Variants in ABCC3 observed in about 807,000 individuals in gnomAD.
The protein encoded by ABCC3 is ATP binding cassette subfamily C member 3.
A neutral mutation model predicts 165.3 loss-of-function variants in ABCC3; 121 were observed. The observed-to-expected ratio is 0.73, with a 90% CI of 0.63 to 0.85. The LOEUF (loss-of-function observed/expected upper bound fraction) is 0.85, where lower values mean the gene tolerates loss of function less well. Among genes scored for constraint, ABCC3 ranks in the 40% least tolerant of loss-of-function variants. ABCC3 has a pLI of 0.00. For synonymous variants in ABCC3, 733 were observed against 810.1 expected (o/e 0.90, Z 1.62); for missense variants, 1,869 against 1,964.1 (o/e 0.95, Z 0.92).
At chr17:50,681,343 C>T (rs1216352753) in intron 26 of ABCC3, among the ~76,000 whole-genome samples, 1 of 152,150 alleles carries the variant, frequency 6.6e-6, no homozygotes, top group Non-Finnish European at 1.5e-5. Context: ...CCTGTGTCTC[C>T]TTCACCGTTG....
chr17:50,669,817 A>G (rs1046538421), intron 17 of ABCC3, among the ~76,000 whole-genome samples: 6 of 151,634 alleles, frequency 4.0e-5, no homozygotes, highest in Non-Finnish European at 5.9e-5. Context: ...TCTTTCTGAG[A>G]TAAGGCCTCA....
intron 26 of ABCC3, among the ~76,000 whole-genome samples, chr17:50,682,575 T>C (rs968354041): frequency 4.6e-5 from 7 of 152,012 alleles, no homozygotes; most frequent in Non-Finnish European, 8.8e-5. Flanking sequence ...TGGCATGCCC[T>C]CCCTCCAGAT....
rs760576754 is a variant in ABCC3 at position 50,655,968 on chromosome 17, G to T, written c.182G>T (p.Arg61Leu). 6.2e-7 allele frequency: 1 copy of T among 1,614,094 alleles called. No homozygotes were observed. Among genetic ancestry groups the T allele is most frequent in the South Asian group, 1.1e-5 (1 of 91,068 alleles). The change falls in exon 2 of 31, where the codon CGT becomes CTT. Residue 61 changes from arginine (R) to leucine (L), a missense_variant. Arg to Leu is a moderately radical substitution (Grantham distance 102, BLOSUM62 -2). Coordinates refer to ENST00000285238, the MANE Select transcript of ABCC3 (RefSeq NM_003786.4). ...CYLLYLRHHC[R>L]GYIILSHLSK... ...TTGCTCTACCTGCGGCACCATTGTC[G>T]TGGCTACATCATCCTCTCCCACCTG...
chr17:50,638,729 A>G (rs1179370081), intron 1 of ABCC3, among the ~76,000 whole-genome samples: 1 of 152,106 alleles, frequency 6.6e-6, no homozygotes, highest in Non-Finnish European at 1.5e-5. Context: ...TACCCATCCT[A>G]GGGAGGGGCA....
At chr17:50,676,163 T>C (rs1274489014) in intron 22 of ABCC3, 73 bp downstream of exon 22, 2 of 1,598,234 alleles carry the variant, frequency 1.3e-6, no homozygotes, top group Non-Finnish European at 8.6e-7. Flanking sequence ...CCCCAAACCG[T>C]GCCCTTGCAT....
At chr17:50,638,989 T>C (rs913964181) in intron 1 of ABCC3, among the ~76,000 whole-genome samples, 2 of 152,192 alleles carry the variant, frequency 1.3e-5, no homozygotes, top group Non-Finnish European at 2.9e-5. Context: ...CTCCTGGGTA[T>C]CAGGGTCTCC....
chr17:50,665,168 G>A lies in ABCC3; in HGVS notation c.1354G>A (p.Val452Ile). ...YFLWQNLGPS[V>I]LAGVAFMVLL... ...GCCTCCTCAGAACCTAGGTCCCTCT[G>A]TCCTGGCTGGAGTCGCTTTCATGGT... The change falls in exon 11 of 31, where the codon GTC becomes ATC. Residue 452 changes from valine to isoleucine, a missense_variant. Val to Ile is a conservative substitution (Grantham distance 29). Transcript: ENST00000285238. The A allele has an allele frequency of 6.2e-7, 1 of 1,614,224 alleles. No homozygotes were observed. Among genetic ancestry groups the A allele is most frequent in the Non-Finnish European group, 8.5e-7 (1 of 1,180,044 alleles).
chr17:50,656,384 G>C (rs4148411), intron 2 of ABCC3, among the ~76,000 whole-genome samples: 22,904 of 152,230 alleles, frequency 0.15, 2,042 homozygotes, highest in East Asian at 0.27. Flanking sequence ...CAGCATTCTG[G>C]TTTTAATGAG....
Position 50,676,462 on chromosome 17 carries a change from C to T in ABCC3, c.3252C>T (p.Ala1084=), listed in dbSNP as rs746169468. The stretch of plus-strand genomic sequence containing the variant: ...TCTATGTCGTTGATGAGGTTCTGGC[C>T]CCTGTCATCCTCATGCTGCTCAATT... ...KDIYVVDEVL[A]PVILMLLNSF... Residue 1084 remains alanine, a synonymous_variant, in exon 23 of 31, where the codon GCC becomes GCT. Coordinates refer to ENST00000285238, the MANE Select transcript of ABCC3 (RefSeq NM_003786.4). 2.5e-6 allele frequency: 4 copies of T among 1,614,172 alleles called. No homozygotes were observed. The highest frequency in any genetic ancestry group is 2.2e-5 in the South Asian group (2 of 91,084).
intron 1 of ABCC3, among the ~76,000 whole-genome samples, chr17:50,652,527 C>G (rs1333840985): frequency 6.6e-6 from 1 of 152,220 alleles, no homozygotes; most frequent in East Asian, 1.9e-4. Flanking sequence ...CATTTTTGAA[C>G]CTTTCTTTTC....
At chr17:50,687,807 G>T in intron 30 of ABCC3, 77 bp downstream of exon 30, 2 of 1,435,342 alleles carry the variant, frequency 1.4e-6, no homozygotes, top group Non-Finnish European at 1.9e-6. Flanking sequence ...GGCAGATTAG[G>T]GTTATCTGAA....
intron 7 of ABCC3, 38 bp downstream of exon 7, chr17:50,659,406 GC>G: frequency 6.3e-7 from 1 of 1,581,688 alleles, no homozygotes; most frequent in Non-Finnish European, 8.6e-7. Flanking sequence ...CAGCCCCTTC[GC>G]TTACCCCAGA....
chr17:50,673,983 TCTCTC>T (rs1567835572), intron 19 of ABCC3, among the ~76,000 whole-genome samples: 95 of 4,956 alleles, frequency 0.019, 21 homozygotes, highest in South Asian at 0.055. Context: ...TTTCTTTCTC[TCTCTC>T]TCTCTCTCTC....
At position 50,683,638 on chromosome 17, in the gene ABCC3, C is replaced by T. The variant is rs775610684; in HGVS notation, c.3836C>T (p.Pro1279Leu). The change falls in exon 27 of 31, where the codon CCT becomes CTT. Residue 1279 changes from proline (P) to leucine (L), a missense_variant. Coordinates refer to ENST00000285238, the MANE Select transcript of ABCC3 (RefSeq NM_003786.4). ...CCCTGGGTGGTGGAAGGCAGCCGCC[C>T]TCCCGAAGGTTGGCCCCCACGTGGG... ...EAPWVVEGSR[P>L]PEGWPPRGEV... 1.9e-6 allele frequency: 3 copies of T among 1,592,258 alleles called. No individual in the cohort carries two copies. The South Asian group carries it at 3.4e-5, about 18-fold the overall frequency.
intron 26 of ABCC3, 148 bp downstream of exon 26, chr17:50,680,047 A>G (rs1967900885): frequency 1.7e-5 from 11 of 636,572 alleles, no homozygotes; most frequent in Admixed American, 5.0e-5. Flanking sequence ...GCATCAACCA[A>G]TGCTCTATGC....
At position 50,676,420 on chromosome 17, in the gene ABCC3, C is replaced by A. The variant is rs1277124682; in HGVS notation, c.3210C>A (p.Asn1070Lys). The A allele has an allele frequency of 6.2e-7, 1 of 1,614,252 alleles. No individual in the cohort carries two copies. The highest frequency in any genetic ancestry group is 8.5e-7 in the Non-Finnish European group (1 of 1,180,048). Residue 1070 changes from asparagine to lysine, a missense_variant, in exon 23 of 31, where the codon AAC (asparagine) becomes AAA (lysine). Coordinates refer to ENST00000285238, the MANE Select transcript of ABCC3 (RefSeq NM_003786.4). ...FDTTPSGRILNCFSKDIYVVD... is the reference protein window; with the variant it reads ...FDTTPSGRILKCFSKDIYVVD... ...CCACACCATCAGGCCGCATCCTGAA[C>A]TGCTTCTCCAAGGACATCTATGTCG...
At chr17:50,658,413 G>A (rs739923) in intron 5 of ABCC3, 22 bp from the exon 6 acceptor site, 454,491 of 1,609,368 alleles carry the variant, frequency 0.28, 66,436 homozygotes, top group South Asian at 0.44. Context: ...TGATTCCCCC[G>A]TCCTATTCTC....
intron 1 of ABCC3, among the ~76,000 whole-genome samples, chr17:50,637,152 G>A (rs933066806): frequency 6.6e-6 from 1 of 151,940 alleles, no homozygotes; most frequent in African/African-American, 2.4e-5. Context: ...ACCTTAAATG[G>A]CAAACTGACC....
intron 1 of ABCC3, among the ~76,000 whole-genome samples, chr17:50,644,733 C>G (rs910191610): frequency 3.3e-5 from 5 of 150,156 alleles, no homozygotes; most frequent in East Asian, 4.0e-4. Flanking sequence ...AAAACAAAAA[C>G]CAAGGCCGGG....
Sources: allele counts gnomAD v4.1 joint callset (sites outside exome capture counted in the v4.1 genomes callset), GRCh38; gene constraint gnomAD v4.1.1; transcripts MANE v1.5; gene names NCBI Gene and HGNC (gene_info 2026-07-23, HGNC 2026-07-21).